Variants in ARHGAP19 observed in about 807,000 individuals in gnomAD.
ARHGAP19 encodes Rho GTPase activating protein 19, also known as rho GTPase-activating protein 19.
In ARHGAP19, 48 loss-of-function variants were observed where a neutral mutation model predicts 60.9. The observed-to-expected ratio is 0.79, with a 90% CI of 0.62 to 1.00. The LOEUF (loss-of-function observed/expected upper bound fraction) is 1.00. ARHGAP19 is among the 50% of genes least tolerant of loss of function. ARHGAP19 has a pLI of 0.00. For missense variants in ARHGAP19, 562 were observed against 597.2 expected, an observed-to-expected ratio of 0.94 and a Z score of 0.61; for synonymous variants, 209 against 215.5, an observed-to-expected ratio of 0.97 and a Z score of 0.27.
intron 6 of ARHGAP19, among the ~76,000 whole-genome samples, chr10:97,249,759 C>T (rs373838864): frequency 2.7e-4 from 39 of 145,144 alleles, no homozygotes; most frequent in African/African-American, 9.6e-4. Flanking sequence ...ATAAGAAATT[C>T]TTTTTAGTTT....
At chr10:97,250,958 G>A (rs1422328068) in intron 6 of ARHGAP19, among the ~76,000 whole-genome samples, 1 of 151,448 alleles carries the variant, frequency 6.6e-6, no homozygotes, top group Non-Finnish European at 1.5e-5. Context: ...AGCTGCTTGG[G>A]AATCTGAGGT....
At chr10:97,253,390 A>T (rs1161173771) in intron 6 of ARHGAP19, among the ~76,000 whole-genome samples, 1 of 151,994 alleles carries the variant, frequency 6.6e-6, no homozygotes, top group Non-Finnish European at 1.5e-5. Flanking sequence ...AAAAAAAAAA[A>T]AAAAAGTGCA....
chr10:97,272,871 C>T (rs1458977451), intron 1 of ARHGAP19, among the ~76,000 whole-genome samples: 23 of 145,276 alleles, frequency 1.6e-4, no homozygotes, highest in African/African-American at 5.2e-4. Context: ...GATGGAGTCT[C>T]GCTCTGTCGC....
Position 97,226,195 on chromosome 10 carries a change from C to T in ARHGAP19, c.1475-63G>A, listed in dbSNP as rs1289418583. 1.9e-6 allele frequency: 3 copies of T among 1,560,194 alleles called. No homozygotes were observed. In the East Asian group the frequency reaches 6.8e-5, roughly 35 times the overall value. On this transcript the variant is annotated intron_variant, in intron 11 of 11. Transcript: ENST00000358531. ...TTAAATATTTCTTTTTGCAAACATC[C>T]CACTCAAAAGCTACAGGGTCTACAC...
At chr10:97,251,196 G>A (rs201559750) in intron 6 of ARHGAP19, among the ~76,000 whole-genome samples, 4 of 61,130 alleles carry the variant, frequency 6.5e-5, no homozygotes, top group Non-Finnish European at 1.3e-4. Flanking sequence ...AGGAAGGGAA[G>A]GGGAAAGGGA....
At chr10:97,257,499 T>C (rs1445586051) in intron 5 of ARHGAP19, among the ~76,000 whole-genome samples, 2 of 152,008 alleles carry the variant, frequency 1.3e-5, no homozygotes, top group Non-Finnish European at 2.9e-5. Flanking sequence ...GGTCTCAAGG[T>C]CTCACTGTGT....
chr10:97,240,816 C>T (rs911920592), intron 8 of ARHGAP19, among the ~76,000 whole-genome samples: 2 of 151,898 alleles, frequency 1.3e-5, no homozygotes, highest in South Asian at 2.1e-4. Context: ...CTTAAGTAAA[C>T]GAAAACAATG....
intron 4 of ARHGAP19, among the ~76,000 whole-genome samples, chr10:97,261,835 A>C (rs962758684): frequency 1.3e-5 from 2 of 152,238 alleles, no homozygotes; most frequent in Non-Finnish European, 2.9e-5. Flanking sequence ...CCATAGCAGC[A>C]TAACAGACGT....
intron 6 of ARHGAP19, among the ~76,000 whole-genome samples, chr10:97,251,432 G>A (rs1467510751): frequency 3.2e-5 from 2 of 63,354 alleles, no homozygotes. Flanking sequence ...AAGGGAAGGG[G>A]AAGGGGAGGA....
At position 97,259,325 on chromosome 10, in the gene ARHGAP19, C is replaced by T. The variant is rs1195831499; in HGVS notation, c.840+77G>A. 6.1e-6 allele frequency: 7 copies of T among 1,155,942 alleles called. No individual in the cohort carries two copies. The Admixed American group carries it at 1.2e-4, about 20-fold the overall frequency. The allele number at this position is 1,155,942 out of a possible 1,614,324, so 71.6% of individuals were successfully genotyped here. A position where few individuals can be genotyped will look rare whatever the true frequency, so the allele number is the denominator to read the frequency against. On this transcript the variant is annotated intron_variant, in intron 5 of 11. Transcript: ENST00000358531. ...GGCTAGACCTTGGACCCTTGATAAT[C>T]TCACCAATGTACAGCCATAGAATGA... is the stretch of plus-strand genomic sequence containing the variant.
At chr10:97,255,064 G>A (rs561132501) in intron 6 of ARHGAP19, among the ~76,000 whole-genome samples, 1 of 152,278 alleles carries the variant, frequency 6.6e-6, no homozygotes, top group East Asian at 1.9e-4. Context: ...AGGATGGGAG[G>A]AGGGTTTTAC....
At chr10:97,285,135 G>C (rs930491121) in intron 1 of ARHGAP19, among the ~76,000 whole-genome samples, 2 of 152,130 alleles carry the variant, frequency 1.3e-5, no homozygotes, top group South Asian at 4.1e-4. Flanking sequence ...AAAGTGCTGG[G>C]ATTACAGGCA....
chr10:97,279,265 T>A (rs1843054725), intron 1 of ARHGAP19, among the ~76,000 whole-genome samples: 1 of 152,180 alleles, frequency 6.6e-6, no homozygotes, highest in South Asian at 2.1e-4. Flanking sequence ...TCAACATTAA[T>A]AAGTCGTACC....
intron 8 of ARHGAP19, among the ~76,000 whole-genome samples, chr10:97,237,222 TCAC>T (rs1842394702): frequency 1.0e-5 from 1 of 96,132 alleles, no homozygotes; most frequent in Non-Finnish European, 2.2e-5. Context: ...CTGAGATCAA[TCAC>T]GTCATTCCAG....
At chr10:97,263,376 T>G (rs1305144738) in intron 4 of ARHGAP19, 44 bp downstream of exon 4, 2 of 1,574,704 alleles carry the variant, frequency 1.3e-6, no homozygotes, top group Non-Finnish European at 8.7e-7. Flanking sequence ...TTTACTAAAT[T>G]GAAAGAAATG....
chr10:97,231,767 C>T (rs928458248), intron 9 of ARHGAP19, among the ~76,000 whole-genome samples: 1 of 152,076 alleles, frequency 6.6e-6, no homozygotes, highest in Non-Finnish European at 1.5e-5. Flanking sequence ...GCTATGAATA[C>T]GGGTGTACAA....
At chr10:97,279,431 C>T (rs913817921) in intron 1 of ARHGAP19, among the ~76,000 whole-genome samples, 2 of 151,988 alleles carry the variant, frequency 1.3e-5, no homozygotes, top group African/African-American at 2.4e-5. Context: ...ATATTTAGCC[C>T]CTATATTTGA....
In ARHGAP19 at chr10:97,286,816, C is replaced by T. The variant is rs191445967; in HGVS notation, c.56+5756G>A. ...TTTAATTAAAAAATACTAAGCTGTG[C>T]GTATTTCCCTACTGCCAATTATGAG... On this transcript the variant is annotated intron_variant, in intron 1 of 11. Coordinates refer to ENST00000358531, the MANE Select transcript of ARHGAP19 (RefSeq NM_032900.6). Among the ~76,000 whole-genome samples, 64 of 152,288 alleles carry T rather than the reference C, an allele frequency of 4.2e-4. No individual in the cohort carries two copies. The East Asian group carries it at 8.9e-3, about 21-fold the overall frequency.
intron 5 of ARHGAP19, among the ~76,000 whole-genome samples, chr10:97,258,066 T>C (rs867484714): frequency 8.5e-5 from 13 of 152,296 alleles, no homozygotes; most frequent in Middle Eastern, 3.4e-3. Context: ...ATTTGTTTTG[T>C]TATAGATTAT....
Sources: gnomAD v4.1 joint callset for allele counts (sites outside exome capture counted in the v4.1 genomes callset) on GRCh38, gnomAD v4.1.1 for gene constraint, MANE v1.5 for transcripts, NCBI Gene and HGNC (gene_info 2026-07-23, HGNC 2026-07-21) for gene names.